The following ITGA9 variants were observed in gnomAD, a reference collection of about 807,000 sequenced individuals.
ITGA9 encodes the protein integrin alpha-9.
Under a neutral mutation model 127.8 loss-of-function variants are expected in ITGA9, and 56 were observed. That is an observed-to-expected ratio of 0.44 (90% CI 0.35 to 0.55). The LOEUF is 0.55. Among genes scored for constraint, ITGA9 ranks in the 20% least tolerant of loss-of-function variants. The pLI is 0.00. For missense variants in ITGA9, 1,196 were observed against 1,347.1 expected (o/e 0.89, Z 1.76); for synonymous variants, 508 against 514.5 (o/e 0.99, Z 0.17).
chr3:37,691,596 A>T, intron 18 of ITGA9, among the ~76,000 whole-genome samples: 1 of 152,112 alleles, frequency 6.6e-6, no homozygotes, highest in Non-Finnish European at 1.5e-5. Context: ...GCCAAACAAA[A>T]CATGTCCAGT....
intron 15 of ITGA9, among the ~76,000 whole-genome samples, chr3:37,595,761 A>G (rs2125617711): frequency 6.6e-6 from 1 of 152,316 alleles, no homozygotes; most frequent in East Asian, 1.9e-4. Context: ...CCTGCCACCC[A>G]GTTTTTATGA....
At chr3:37,620,146 A>G (rs1195873143) in intron 15 of ITGA9, among the ~76,000 whole-genome samples, 1 of 152,200 alleles carries the variant, frequency 6.6e-6, no homozygotes, top group African/African-American at 2.4e-5. Context: ...CTACCCTCAA[A>G]GGGAGAAGAT....
At chr3:37,633,997 A>G (rs537528267) in intron 16 of ITGA9, among the ~76,000 whole-genome samples, 1 of 152,378 alleles carries the variant, frequency 6.6e-6, no homozygotes, top group South Asian at 2.1e-4. Flanking sequence ...TGGTTAAAAT[A>G]TAAAACAAAT....
chr3:37,618,616 C>T (rs1040632898), intron 15 of ITGA9, among the ~76,000 whole-genome samples: 5 of 152,220 alleles, frequency 3.3e-5, no homozygotes, highest in South Asian at 2.1e-4. Context: ...CCACTCAGTT[C>T]GAGCTTCTCA....
intron 18 of ITGA9, among the ~76,000 whole-genome samples, chr3:37,726,831 A>T (rs1320697764): frequency 1.3e-5 from 2 of 152,246 alleles, no homozygotes; most frequent in African/African-American, 4.8e-5. Context: ...GCATAAATCA[A>T]GTGTGCTTTT....
chr3:37,688,295 C>T (rs1046111782), intron 18 of ITGA9, among the ~76,000 whole-genome samples: 1 of 152,144 alleles, frequency 6.6e-6, no homozygotes, highest in Non-Finnish European at 1.5e-5. Flanking sequence ...TAGTTATTTA[C>T]TGATAAACTA....
chr3:37,474,013 A>G lies in ITGA9; in HGVS notation c.420+553A>G, dbSNP rs892578506. ...ATATAAGACTTCTTTCACTCAAAATAATATTTTCTGAAATTAATCCCCATT... is the reference window on the plus strand; with the variant it reads ...ATATAAGACTTCTTTCACTCAAAATGATATTTTCTGAAATTAATCCCCATT... On this transcript the variant is annotated intron_variant, in intron 3 of 27. Transcript: ENST00000264741. Among the ~76,000 whole-genome samples the G allele has an allele frequency of 3.9e-5, 6 of 152,242 alleles. No individual in the cohort carries two copies. In the East Asian group the frequency reaches 5.8e-4, roughly 15 times the overall value.
At chr3:37,664,674 T>A (rs1442171945) in intron 17 of ITGA9, among the ~76,000 whole-genome samples, 2 of 151,782 alleles carry the variant, frequency 1.3e-5, no homozygotes, top group African/African-American at 4.8e-5. Flanking sequence ...AATGTTGGGA[T>A]TACAGGCATG....
chr3:37,710,475 G>A (rs886147627), intron 18 of ITGA9, among the ~76,000 whole-genome samples: 1 of 152,148 alleles, frequency 6.6e-6, no homozygotes, highest in Non-Finnish European at 1.5e-5. Flanking sequence ...TGGTTTGTGT[G>A]GGAGGATGTC....
chr3:37,492,082 C>T (rs188559012), intron 4 of ITGA9, among the ~76,000 whole-genome samples: 254 of 152,220 alleles, frequency 1.7e-3, no homozygotes, highest in African/African-American at 5.9e-3. Context: ...TGGCAGGGAT[C>T]GGATAGGTGG....
chr3:37,539,204 AATTT>A (rs1699242589), intron 14 of ITGA9, among the ~76,000 whole-genome samples: 1 of 152,152 alleles, frequency 6.6e-6, no homozygotes, highest in African/African-American at 2.4e-5. Context: ...TTGCAGGTTG[AATTT>A]ATTTGCTTTT....
At chr3:37,556,946 A>G (rs1699436985) in intron 15 of ITGA9, among the ~76,000 whole-genome samples, 1 of 152,096 alleles carries the variant, frequency 6.6e-6, no homozygotes. Flanking sequence ...GGTGCCCCTT[A>G]TAGGAGGGTG....
intron 4 of ITGA9, among the ~76,000 whole-genome samples, chr3:37,486,936 A>T (rs564307266): frequency 7.9e-5 from 12 of 152,332 alleles, no homozygotes; most frequent in African/African-American, 2.9e-4. Context: ...ATTTCCTAGG[A>T]CAGTGATCAT....
intron 16 of ITGA9, among the ~76,000 whole-genome samples, chr3:37,646,969 C>A (rs899155319): frequency 6.6e-6 from 1 of 151,738 alleles, no homozygotes; most frequent in Non-Finnish European, 1.5e-5. Flanking sequence ...GTCTGTCCAC[C>A]CTCCTGCTCC....
intron 18 of ITGA9, among the ~76,000 whole-genome samples, chr3:37,706,587 C>T (rs528933503): frequency 3.3e-5 from 5 of 152,178 alleles, no homozygotes; most frequent in Admixed American, 1.3e-4. Context: ...GGAGCACTCA[C>T]GCCCCAGCTC....
In ITGA9 at chr3:37,776,776, T is replaced by TTG. The variant is rs1239147099; in HGVS notation, c.2542-616_2542-615insTG. 5.9e-5 allele frequency among the ~76,000 whole-genome samples: 9 copies of TTG among 152,236 alleles called. 1 individual carries two copies. In the South Asian group the frequency reaches 8.3e-4, roughly 14 times the overall value. On this transcript the variant is annotated intron_variant, in intron 23 of 27. Transcript: ENST00000264741. ...AGCTCGGCAAGCATGCAGGTCCCCG[T>TTG]CTGGCTCAGGGCAGAGACTGGTCAG...
intron 4 of ITGA9, among the ~76,000 whole-genome samples, chr3:37,487,181 C>A (rs1305219654): frequency 6.6e-6 from 1 of 152,060 alleles, no homozygotes; most frequent in Non-Finnish European, 1.5e-5. Context: ...AAATAAAGAC[C>A]TCTACATTTA....
At chr3:37,731,121 G>C (rs1347294397) in intron 18 of ITGA9, among the ~76,000 whole-genome samples, 1 of 152,196 alleles carries the variant, frequency 6.6e-6, no homozygotes, top group Non-Finnish European at 1.5e-5. Context: ...ATAATTTTAT[G>C]TATTAAAAAT....
chr3:37,627,475 A>G (rs988943153), intron 15 of ITGA9, among the ~76,000 whole-genome samples: 1 of 152,190 alleles, frequency 6.6e-6, no homozygotes, highest in Admixed American at 6.5e-5. Context: ...AGGAACTCTG[A>G]AGAAACACAA....
Sources: allele counts gnomAD v4.1 joint callset (sites outside exome capture counted in the v4.1 genomes callset), GRCh38; gene constraint gnomAD v4.1.1; transcripts MANE v1.5; gene names NCBI Gene and HGNC (gene_info 2026-07-23, HGNC 2026-07-21).